Variants in GUK1 observed in about 807,000 individuals in gnomAD.
GUK1 encodes guanylate kinase.
A neutral mutation model predicts 25.2 loss-of-function variants in GUK1; 18 were observed. The observed-to-expected ratio is 0.71, with a 90% CI of 0.49 to 1.06. The LOEUF (loss-of-function observed/expected upper bound fraction) is 1.06, where lower values mean the gene tolerates loss of function less well. Ranked by LOEUF, GUK1 falls within the 50% of genes least tolerant of loss-of-function variation. GUK1 has a pLI of 0.00. For missense variants in GUK1, 261 were observed against 276.7 expected (o/e 0.94, Z 0.40); for synonymous variants, 105 against 117.6 (o/e 0.89, Z 0.69).
At chr1:228,148,180 G>A (rs1187529114) in intron 7 of GUK1, 191 bp from the exon 7 acceptor site, 1 of 680,250 alleles carries the variant, frequency 1.5e-6, no homozygotes, top group Non-Finnish European at 2.8e-6. Context: ...GAGAGAGCAG[G>A]AGTGGTGCCT....
chr1:228,141,278 T>A lies in GUK1; in HGVS notation c.-13T>A, dbSNP rs2034026874. ...CTCTGTGGCTCTGGAAGAGCCCGAT[T>A]TCCTCAGGAGGTAAAGGAATGTTCC... On this transcript the variant is annotated 5_prime_UTR_variant, in exon 2 of 9. Transcript: ENST00000312726. 1 of 982,682 alleles carries A rather than the reference T, an allele frequency of 1.0e-6. No individual in the cohort carries two copies. The highest frequency in any genetic ancestry group is 1.7e-5 in the African/African-American group (1 of 57,302). The allele number at this position is 982,682 out of a possible 1,614,324, so 60.9% of individuals were successfully genotyped here.
In GUK1 at chr1:228,148,879, C is replaced by A. The variant is rs1262584391; in HGVS notation, c.*182C>A. ...CCCCGACCCAGCCTCGCTGGGCTGTCCCCTGTCCCTATCTCTCACTCTGGA... is the reference window on the plus strand; with the variant it reads ...CCCCGACCCAGCCTCGCTGGGCTGTACCCTGTCCCTATCTCTCACTCTGGA... On this transcript the variant is annotated 3_prime_UTR_variant, in exon 9 of 9. Coordinates refer to ENST00000312726, the MANE Select transcript of GUK1 (RefSeq NM_000858.7). 2.7e-6 allele frequency: 4 copies of A among 1,476,932 alleles called. No homozygotes were observed. In the African/African-American group the frequency reaches 4.2e-5, roughly 15 times the overall value. 91.5% of individuals were successfully genotyped at this position (1,476,932 alleles called of 1,614,324 possible).
intron 5 of GUK1, 79 bp downstream of exon 4, chr1:228,147,017 C>T (rs1200422269): frequency 1.4e-5 from 13 of 935,606 alleles, no homozygotes; most frequent in East Asian, 7.2e-5. Context: ...GCTGCCTGCC[C>T]GCCATCCACA....
At chr1:228,144,633 C>A in intron 2 of GUK1, 1 of 736,662 alleles carries the variant, frequency 1.4e-6, no homozygotes, top group Non-Finnish European at 1.7e-6. Context: ...TTATTCGTGG[C>A]TTAGAAGGGT....
At chr1:228,147,977 A>G (rs924280130) in intron 7 of GUK1, 3 of 584,522 alleles carry the variant, frequency 5.1e-6, no homozygotes, top group East Asian at 2.8e-5. Flanking sequence ...CCAGGGTCCC[A>G]TGAGATGTCC....
chr1:228,146,660 C>G, intron 4 of GUK1, 182 bp from the exon 4 acceptor site: 1 of 611,676 alleles, frequency 1.6e-6, no homozygotes. Flanking sequence ...GAAATGGTGT[C>G]TGGCTCAGGC....
intron 1 of GUK1, among the ~76,000 whole-genome samples, chr1:228,140,777 T>C (rs765150818): frequency 5.9e-5 from 9 of 152,352 alleles, no homozygotes; most frequent in Non-Finnish European, 1.2e-4. Flanking sequence ...TGGAGCCGGC[T>C]ATTCCGGGGC....
chr1:228,141,081 C>T lies in GUK1; in HGVS notation c.-167-43C>T, dbSNP rs544427146. 3.2e-6 allele frequency: 3 copies of T among 949,244 alleles called. No individual in the cohort carries two copies. In the African/African-American group the frequency reaches 5.3e-5, roughly 17 times the overall value. 58.8% of individuals were successfully genotyped at this position (949,244 alleles called of 1,614,324 possible). A position where few individuals can be genotyped will look rare whatever the true frequency, so the allele number is the denominator to read the frequency against. On this transcript the variant is annotated intron_variant, in intron 1 of 8. Coordinates refer to ENST00000312726, the MANE Select transcript of GUK1 (RefSeq NM_000858.7). ...TCGGTCCTGAGGCCCCGGGCTGGGT[C>T]CTGCTCTGCTGTCTTTGGGCTCATG...
Position 228,146,485 on chromosome 1 carries a change from C to T in GUK1, c.155-357C>T, listed in dbSNP as rs2034379832. The T allele has an allele frequency of 1.4e-5, 6 of 440,858 alleles. No individual in the cohort carries two copies. The South Asian group carries it at 1.8e-4, about 13-fold the overall frequency. 27.3% of individuals were successfully genotyped at this position (440,858 alleles called of 1,614,324 possible). On this transcript the variant is annotated intron_variant, in intron 4 of 8. Transcript: ENST00000312726. Reference sequence around the variant, plus strand: ...CCTTGCCGTGCAACCCAGTGGTCTCCAGTCACCCCACCACATCGTCCCCTC... The same window carrying T: ...CCTTGCCGTGCAACCCAGTGGTCTCTAGTCACCCCACCACATCGTCCCCTC...
intron 4 of GUK1, 76 bp from the exon 4 acceptor site, chr1:228,146,766 G>A (rs1200172131): frequency 1.1e-6 from 1 of 920,528 alleles, no homozygotes; most frequent in Admixed American, 1.7e-5. Flanking sequence ...AGGCATGCCT[G>A]GGTTGGGGGC....
chr1:228,140,191 G>T (rs2033962609), upstream of GUK1: 3 of 863,028 alleles, frequency 3.5e-6, no homozygotes, highest in Non-Finnish European at 5.4e-6. Context: ...GGGGAAGAAC[G>T]AGTGAGACAT....
At chr1:228,140,435 C>T (rs919575709) in intron 1 of GUK1, 72 bp downstream of exon 1, 1 of 1,096,306 alleles carries the variant, frequency 9.1e-7, no homozygotes, top group Admixed American at 3.0e-5. Flanking sequence ...TTTGCGGTCG[C>T]CCAGTCCACG....
intron 5 of GUK1, 80 bp downstream of exon 4, chr1:228,147,018 G>T: frequency 1.1e-6 from 1 of 926,698 alleles, no homozygotes; most frequent in Non-Finnish European, 1.8e-6. Context: ...CTGCCTGCCC[G>T]CCATCCACAC....
rs747691789 is a variant in GUK1, at chr1:228,146,874, C to G, written c.187C>G (p.Arg63Gly). 2.4e-5 allele frequency: 39 copies of G among 1,613,484 alleles called. No individual in the cohort carries two copies. Among genetic ancestry groups the G allele is most frequent in the Non-Finnish European group, 3.1e-5 (37 of 1,179,438 alleles). The change falls in exon 5 of 9, where the codon CGT becomes GGT. Residue 63 changes from arginine to glycine, a missense_variant. Transcript: ENST00000312726. ...CTTTGTAACCAGGGAGGTGATGCAGCGTGACATAGCAGCCGGCGACTTCAT... is the reference window on the plus strand; with the variant it reads ...CTTTGTAACCAGGGAGGTGATGCAGGGTGACATAGCAGCCGGCGACTTCAT...
upstream of GUK1, chr1:228,140,110 C>A (rs770500010): frequency 1.9e-4 from 107 of 561,212 alleles, no homozygotes; most frequent in Non-Finnish European, 2.9e-4. Flanking sequence ...AACGCCCCTG[C>A]GGTCGCGACA....
intron 3 of GUK1, 76 bp from the exon 3 acceptor site, chr1:228,145,950 C>G: frequency 9.2e-7 from 1 of 1,085,216 alleles, no homozygotes; most frequent in Non-Finnish European, 1.4e-6. Flanking sequence ...CAAGTGCTGT[C>G]GGGACTGCAA....
Position 228,148,837 on chromosome 1 carries a change from G to T in GUK1, c.*140G>T. 1 of 1,552,280 alleles carries T rather than the reference G, an allele frequency of 6.4e-7. No individual in the cohort carries two copies. Among genetic ancestry groups the T allele is most frequent in the Non-Finnish European group, 8.7e-7 (1 of 1,146,640 alleles). On this transcript the variant is annotated 3_prime_UTR_variant, in exon 9 of 9. Coordinates refer to ENST00000312726, the MANE Select transcript of GUK1 (RefSeq NM_000858.7). ...GGAGGAGATGCTGCCCCTGTGGTTG[G>T]AACATCCTGGGGTGACCCCCGACCC... is the stretch of plus-strand genomic sequence containing the variant.
chr1:228,146,952 G>T lies in GUK1; in HGVS notation c.251+14G>T, dbSNP rs746442680. ...GTATGGCACGAGGTGGGCCATGCGT[G>T]GGTGTGGGTGGGCTCCCAGGGTTGC... On this transcript the variant is annotated intron_variant, in intron 5 of 8. Transcript: ENST00000312726. 22 of 1,560,116 alleles carry T rather than the reference G, an allele frequency of 1.4e-5. 1 individual carries two copies. The South Asian group carries it at 2.3e-4, about 17-fold the overall frequency.
intron 2 of GUK1, among the ~76,000 whole-genome samples, chr1:228,143,596 G>A (rs908852172): frequency 1.3e-5 from 2 of 152,300 alleles, no homozygotes; most frequent in African/African-American, 2.4e-5. Flanking sequence ...ACTCTGGGGG[G>A]CTCCTAGCTA....
Sources: gnomAD v4.1 joint callset for allele counts (sites outside exome capture counted in the v4.1 genomes callset) on GRCh38, gnomAD v4.1.1 for gene constraint, MANE v1.5 for transcripts, NCBI Gene and HGNC (gene_info 2026-07-23, HGNC 2026-07-21) for gene names.